SHANK2: variants seen among roughly 807,000 people sequenced by gnomAD.
SHANK2 encodes the protein SH3 and multiple ankyrin repeat domains 2, also known as SH3 and multiple ankyrin repeat domains protein 2.
SHANK2 carries 43 observed loss-of-function variants against 133.7 expected under a neutral mutation model. That is an observed-to-expected ratio of 0.32 (90% confidence interval 0.25 to 0.41). The LOEUF is 0.41. Ranked by LOEUF, SHANK2 falls within the 10% of genes least tolerant of loss-of-function variation. The pLI, the probability that SHANK2 is intolerant of heterozygous loss-of-function variation, is 1.00. For missense variants in SHANK2, 1,994 were observed against 2,235.8 expected (o/e 0.89, Z 2.18); for synonymous variants, 1,017 against 952.8 (o/e 1.07, Z -1.24).
At chr11:70,515,333 C>T (rs1554969808) in intron 17 of SHANK2, among the ~76,000 whole-genome samples, 1 of 152,214 alleles carries the variant, frequency 6.6e-6, no homozygotes, top group Non-Finnish European at 1.5e-5. Context: ...ACCACTGCGC[C>T]TGGCCATTCA....
chr11:70,832,481 G>A (rs1383957540), intron 11 of SHANK2, among the ~76,000 whole-genome samples: 3 of 152,210 alleles, frequency 2.0e-5, no homozygotes, highest in African/African-American at 7.2e-5. Flanking sequence ...GAGCCTCCCA[G>A]CTTCTCAAAG....
chr11:70,908,174 T>G lies in SHANK2; in HGVS notation c.1108-11607A>C, dbSNP rs187044608. ...CTGCTAGTGCAGCAGTGAAACAGAT[T>G]GTTGCTTAAGAGACCACCCTAAAAC... On this transcript the variant is annotated intron_variant, in intron 10 of 25. Transcript: ENST00000601538. 1.5e-3 allele frequency: 389 copies of G among 258,604 alleles called. 1 individual carries two copies. The highest frequency in any genetic ancestry group is 1.8e-3 in the Non-Finnish European group (231 of 128,776). The allele number at this position is 258,604 out of a possible 1,614,324, so 16.0% of individuals were successfully genotyped here. A position where few individuals can be genotyped will look rare whatever the true frequency, so the allele number is the denominator to read the frequency against.
chr11:70,859,423 T>C (rs1035858458), intron 11 of SHANK2, among the ~76,000 whole-genome samples: 6 of 151,784 alleles, frequency 4.0e-5, no homozygotes, highest in South Asian at 2.1e-4. Context: ...GATGGATCGA[T>C]AGATGGATAA....
At chr11:70,700,716 C>T (rs1274386280) in intron 14 of SHANK2, among the ~76,000 whole-genome samples, 1 of 152,134 alleles carries the variant, frequency 6.6e-6, no homozygotes, top group Non-Finnish European at 1.5e-5. Flanking sequence ...GCCCGTGCCT[C>T]GACTGCAGGG....
chr11:70,806,774 C>T lies in SHANK2; in HGVS notation c.1663+228G>A, dbSNP rs541939211. On this transcript the variant is annotated intron_variant, in intron 13 of 25. Transcript: ENST00000601538. ...CAAGTGGAATCTCATTCCCAGTGGACGTGTCCCCTTCGATCCCTGAGACCC... is the reference window on the plus strand; with the variant it reads ...CAAGTGGAATCTCATTCCCAGTGGATGTGTCCCCTTCGATCCCTGAGACCC... Among the ~76,000 whole-genome samples, 38 of 152,342 alleles carry T rather than the reference C, an allele frequency of 2.5e-4. No individual in the cohort carries two copies. The East Asian group carries it at 3.5e-3, about 14-fold the overall frequency.
intron 17 of SHANK2, among the ~76,000 whole-genome samples, chr11:70,554,365 T>C (rs1318795411): frequency 3.9e-5 from 6 of 152,238 alleles, no homozygotes; most frequent in African/African-American, 1.4e-4. Context: ...GAGCGGCCTC[T>C]TTTCCACCTG....
At chr11:71,244,826 T>G (rs1555124777) in intron 1 of SHANK2, among the ~76,000 whole-genome samples, 1 of 152,046 alleles carries the variant, frequency 6.6e-6, no homozygotes, top group Non-Finnish European at 1.5e-5. Flanking sequence ...GCCTTAGCCT[T>G]CTGAGTAGCT....
At chr11:70,621,568 G>A (rs1470159878) in intron 17 of SHANK2, among the ~76,000 whole-genome samples, 1 of 152,208 alleles carries the variant, frequency 6.6e-6, no homozygotes, top group Non-Finnish European at 1.5e-5. Flanking sequence ...TGGGTGGAAG[G>A]AAGGAAGGAG....
intron 17 of SHANK2, among the ~76,000 whole-genome samples, chr11:70,618,065 G>A (rs2060777562): frequency 6.6e-6 from 1 of 152,114 alleles, no homozygotes; most frequent in Non-Finnish European, 1.5e-5. Context: ...TGGGGGGCGA[G>A]GCAGGTGGAT....
chr11:70,828,617 CA>C (rs782771907), intron 11 of SHANK2, among the ~76,000 whole-genome samples: 9 of 152,218 alleles, frequency 5.9e-5, no homozygotes, highest in Non-Finnish European at 1.2e-4. Context: ...GTGGACCAGC[CA>C]GGGGGGCCAG....
chr11:70,549,646 C>G (rs2059739905), intron 17 of SHANK2, among the ~76,000 whole-genome samples: 1 of 152,170 alleles, frequency 6.6e-6, no homozygotes, highest in Non-Finnish European at 1.5e-5. Flanking sequence ...GACTGGGGAG[C>G]TTGAGTGGGA....
chr11:71,140,824 C>A (rs560978044), intron 3 of SHANK2, among the ~76,000 whole-genome samples: 1 of 152,224 alleles, frequency 6.6e-6, no homozygotes, highest in Non-Finnish European at 1.5e-5. Context: ...CGACTGGGGC[C>A]GGGGCTGCTT....
At chr11:71,086,813 T>C (rs1387286042) in intron 8 of SHANK2, among the ~76,000 whole-genome samples, 1 of 152,098 alleles carries the variant, frequency 6.6e-6, no homozygotes, top group African/African-American at 2.4e-5. Flanking sequence ...CCCGCACCCA[T>C]CCCTTATCTG....
chr11:71,137,266 T>A (rs1384612907), intron 3 of SHANK2, among the ~76,000 whole-genome samples: 4 of 124,620 alleles, frequency 3.2e-5, no homozygotes, highest in East Asian at 4.5e-4. Context: ...TTTTTTTAAA[T>A]CCTTTTTTAA....
At chr11:71,247,047 G>C (rs1236131810) in intron 1 of SHANK2, among the ~76,000 whole-genome samples, 18 of 152,178 alleles carry the variant, frequency 1.2e-4, no homozygotes, top group Admixed American at 9.8e-4. Context: ...TTTTCGTGCA[G>C]AGAAGTATGC....
chr11:70,798,202 G>A (rs1565323427), intron 14 of SHANK2, among the ~76,000 whole-genome samples: 1 of 152,154 alleles, frequency 6.6e-6, no homozygotes, highest in Admixed American at 6.5e-5. Context: ...TTTCTGGGAC[G>A]TGTACTGAGC....
intron 15 of SHANK2, among the ~76,000 whole-genome samples, chr11:70,665,386 C>T (rs1555014623): frequency 1.0e-5 from 1 of 99,366 alleles, no homozygotes; most frequent in African/African-American, 3.6e-5. Context: ...AGGGATGCTC[C>T]CTTCTCAGCC....
At chr11:70,775,166 A>G (rs901797540) in intron 14 of SHANK2, among the ~76,000 whole-genome samples, 2 of 152,122 alleles carry the variant, frequency 1.3e-5, no homozygotes, top group Non-Finnish European at 2.9e-5. Context: ...TCTTAAAAAG[A>G]GAAAAAATTG....
intron 17 of SHANK2, among the ~76,000 whole-genome samples, chr11:70,652,847 AG>A (rs1281551635): frequency 1.3e-5 from 2 of 152,200 alleles, no homozygotes; most frequent in African/African-American, 2.4e-5. Flanking sequence ...CCCTGTGCTC[AG>A]CGCCTCTGAC....
Sources: gnomAD v4.1 joint callset for allele counts (sites outside exome capture counted in the v4.1 genomes callset) on GRCh38, gnomAD v4.1.1 for gene constraint, MANE v1.5 for transcripts, NCBI Gene and HGNC (gene_info 2026-07-23, HGNC 2026-07-21) for gene names.